STK3: variants seen among roughly 807,000 people sequenced by gnomAD.
The protein encoded by STK3 is serine/threonine-protein kinase 3.
In STK3, 41 loss-of-function variants were observed where a neutral mutation model predicts 58.0. The ratio of observed to expected loss-of-function variants is 0.71; its 90% CI spans 0.55 to 0.92. The LOEUF (loss-of-function observed/expected upper bound fraction) is 0.92. Ranked by LOEUF, STK3 falls within the 40% of genes least tolerant of loss-of-function variation. The pLI is 0.00. For synonymous variants in STK3, 170 were observed against 191.0 expected (o/e 0.89, Z 0.91); for missense variants, 479 against 602.7 (o/e 0.79, Z 2.15).
chr8:98,757,840 C>A (rs1040361208), intron 3 of STK3, among the ~76,000 whole-genome samples: 1 of 152,034 alleles, frequency 6.6e-6, no homozygotes, highest in African/African-American at 2.4e-5. Context: ...CAATGGGGAA[C>A]CCCTGAAGAA....
chr8:98,404,665 G>A (rs558241317), intron 3 of STK3, among the ~76,000 whole-genome samples: 1 of 118,684 alleles, frequency 8.4e-6, no homozygotes, highest in South Asian at 3.0e-4. Flanking sequence ...GGGTGAAAGA[G>A]CAAGTCTCTG....
chr8:98,360,857 G>A, the STK3 span, among the ~76,000 whole-genome samples: 4 of 152,152 alleles, frequency 2.6e-5, no homozygotes, highest in Admixed American at 6.5e-5. Flanking sequence ...GTGATTACAC[G>A]CTCTCAGCTA....
intron 4 of STK3, among the ~76,000 whole-genome samples, chr8:98,748,814 T>C (rs1829793006): frequency 6.6e-6 from 1 of 151,890 alleles, no homozygotes; most frequent in South Asian, 2.1e-4. Context: ...ATCCTGACAA[T>C]ATTTGGGAAA....
At chr8:98,910,545 A>G (rs573853509) in intron 1 of STK3, among the ~76,000 whole-genome samples, 1 of 152,246 alleles carries the variant, frequency 6.6e-6, no homozygotes, top group South Asian at 2.1e-4. Flanking sequence ...ACTTGAACAT[A>G]TGGTGACTCT....
intron 6 of STK3, among the ~76,000 whole-genome samples, chr8:98,663,581 C>T (rs949928004): frequency 2.6e-5 from 4 of 152,212 alleles, no homozygotes; most frequent in South Asian, 4.2e-4. Context: ...CGTATGTTTA[C>T]TGCAGCACTA....
intron 1 of STK3, chr8:98,921,250 A>C (rs531314518): frequency 6.6e-6 from 1 of 151,162 alleles, no homozygotes; most frequent in Non-Finnish European, 1.5e-5. Flanking sequence ...GGTCTGGCTC[A>C]GACAAAACCT....
chr8:98,747,724 C>T (rs1383441774), intron 4 of STK3, among the ~76,000 whole-genome samples: 1 of 152,146 alleles, frequency 6.6e-6, no homozygotes, highest in African/African-American at 2.4e-5. Context: ...CACTCAGAAA[C>T]AATATACCTA....
intron 10 of STK3, among the ~76,000 whole-genome samples, chr8:98,506,739 G>A (rs895164446): frequency 3.9e-5 from 6 of 152,046 alleles, no homozygotes; most frequent in African/African-American, 1.4e-4. Context: ...AGAAAATGGA[G>A]AAAGAACCAA....
chr8:98,434,425 T>C (rs889554526), intron 2 of STK3: 4 of 152,224 alleles, frequency 2.6e-5, no homozygotes, highest in African/African-American at 7.2e-5. Context: ...AACTTAAATG[T>C]TGCATGTACA....
At chr8:98,855,848 C>T (rs983473766) in intron 3 of STK3, among the ~76,000 whole-genome samples, 36 of 151,928 alleles carry the variant, frequency 2.4e-4, no homozygotes, top group African/African-American at 8.2e-4. Flanking sequence ...TGATGAAACC[C>T]CATCTCTATT....
chr8:98,864,517 T>G (rs1255202017), intron 3 of STK3, among the ~76,000 whole-genome samples: 2 of 152,236 alleles, frequency 1.3e-5, no homozygotes, highest in African/African-American at 4.8e-5. Flanking sequence ...TTCATATAAC[T>G]AAACTAGATT....
At chr8:98,652,209 G>T (rs1460858941) in intron 6 of STK3, among the ~76,000 whole-genome samples, 1 of 152,188 alleles carries the variant, frequency 6.6e-6, no homozygotes, top group Non-Finnish European at 1.5e-5. Flanking sequence ...TTTCAAACCA[G>T]AATTTCATAT....
intron 1 of STK3, among the ~76,000 whole-genome samples, chr8:98,791,700 A>G (rs1832813806): frequency 6.6e-6 from 1 of 152,202 alleles, no homozygotes; most frequent in Admixed American, 6.5e-5. Flanking sequence ...CAAAGCAAAC[A>G]AAAACAAAGT....
chr8:98,663,782 A>T (rs182075243), intron 6 of STK3, among the ~76,000 whole-genome samples: 14 of 152,332 alleles, frequency 9.2e-5, no homozygotes, highest in African/African-American at 3.4e-4. Context: ...GAAAAAAGCA[A>T]CCACCACATT....
At chr8:98,755,916 C>A (rs939105691) in intron 3 of STK3, among the ~76,000 whole-genome samples, 1 of 151,856 alleles carries the variant, frequency 6.6e-6, no homozygotes, top group East Asian at 1.9e-4. Flanking sequence ...CCGAGGCAGG[C>A]GAATCATGAG....
intron 6 of STK3, among the ~76,000 whole-genome samples, chr8:98,638,308 G>A (rs1363283789): frequency 1.3e-5 from 2 of 152,096 alleles, no homozygotes; most frequent in African/African-American, 2.4e-5. Context: ...TTTTAAATTT[G>A]TTACTTATTT....
intron 7 of STK3, among the ~76,000 whole-genome samples, chr8:98,592,732 ACTTT>A (rs1815428066): frequency 1.6e-5 from 2 of 128,562 alleles, no homozygotes; most frequent in African/African-American, 5.7e-5. Context: ...TCACTGACTT[ACTTT>A]ATTTATTTAT....
intron 6 of STK3, among the ~76,000 whole-genome samples, chr8:98,626,657 A>G (rs1341623020): frequency 6.6e-6 from 1 of 152,252 alleles, no homozygotes; most frequent in East Asian, 1.9e-4. Context: ...ATTTAAAAGA[A>G]GTTTAAAAGA....
intron 10 of STK3, among the ~76,000 whole-genome samples, chr8:98,471,953 A>C (rs1820955640): frequency 6.6e-6 from 1 of 152,240 alleles, no homozygotes; most frequent in African/African-American, 2.4e-5. Flanking sequence ...TACTTACTTT[A>C]CAAGAAGTAT....
Sources: allele counts gnomAD v4.1 joint callset (sites outside exome capture counted in the v4.1 genomes callset), GRCh38; gene constraint gnomAD v4.1.1; transcripts MANE v1.5; gene names NCBI Gene and HGNC (gene_info 2026-07-23, HGNC 2026-07-21).